Variants in MBD5 observed in about 807,000 individuals in gnomAD.
MBD5 encodes methyl-CpG-binding domain protein 5.
Under a neutral mutation model 117.3 loss-of-function variants are expected in MBD5, and 13 were observed. The ratio of observed to expected loss-of-function variants is 0.11; its 90% CI spans 0.07 to 0.18. The LOEUF (loss-of-function observed/expected upper bound fraction) is 0.18, where lower values mean the gene tolerates loss of function less well. Among genes scored for constraint, MBD5 ranks in the 10% least tolerant of loss-of-function variants. MBD5 has a pLI of 1.00. For missense variants in MBD5, 1,879 were observed against 2,093.8 expected, an observed-to-expected ratio of 0.90 and a Z score of 2.00; for synonymous variants, 727 against 766.4, an observed-to-expected ratio of 0.95 and a Z score of 0.85.
chr2:148,112,099 G>A (rs1696515670), intron 1 of MBD5, among the ~76,000 whole-genome samples: 1 of 152,088 alleles, frequency 6.6e-6, no homozygotes, highest in South Asian at 2.1e-4. Flanking sequence ...ATAAGGGAAG[G>A]CAAATGTGAC....
intron 1 of MBD5, among the ~76,000 whole-genome samples, chr2:148,139,249 C>A (rs898772098): frequency 6.6e-6 from 1 of 152,058 alleles, no homozygotes; most frequent in Admixed American, 6.6e-5. Flanking sequence ...TCTTACTGCC[C>A]AGGCTGGAGT....
intron 1 of MBD5, among the ~76,000 whole-genome samples, chr2:148,176,130 A>C (rs749744354): frequency 6.6e-6 from 1 of 152,130 alleles, no homozygotes; most frequent in Non-Finnish European, 1.5e-5. Context: ...AAAATCTGAG[A>C]TCTTTAGCAT....
chr2:148,426,140 T>G (rs1199684066), intron 4 of MBD5, among the ~76,000 whole-genome samples: 9 of 152,098 alleles, frequency 5.9e-5, no homozygotes, highest in African/African-American at 1.4e-4. Context: ...CACTGCTCAA[T>G]GAAATAGAAG....
chr2:148,202,899 C>T (rs926594225), intron 2 of MBD5, among the ~76,000 whole-genome samples: 4 of 151,818 alleles, frequency 2.6e-5, no homozygotes, highest in Non-Finnish European at 4.4e-5. Flanking sequence ...TCTTTAAAAG[C>T]TGTAAAATAG....
At position 148,272,852 on chromosome 2, in the gene MBD5, A is replaced by G. The variant is rs1029411306; in HGVS notation, c.-680+39457A>G. ...CTTTCTGTTTGCATTTGCCTGATATATCTTTATGTATCTGTGTATTTTCCT... is the reference window on the plus strand; with the variant it reads ...CTTTCTGTTTGCATTTGCCTGATATGTCTTTATGTATCTGTGTATTTTCCT... On this transcript the variant is annotated intron_variant, in intron 3 of 13. Transcript: ENST00000642680. Among the ~76,000 whole-genome samples, 10 of 152,156 alleles carry G rather than the reference A, an allele frequency of 6.6e-5. No homozygotes were observed. The South Asian group carries it at 1.0e-3, about 16-fold the overall frequency.
intron 1 of MBD5, among the ~76,000 whole-genome samples, chr2:148,110,891 G>A (rs1696490520): frequency 6.6e-6 from 1 of 151,454 alleles, no homozygotes; most frequent in South Asian, 2.1e-4. Context: ...CATTTCTCAT[G>A]AATCTTTCTT....
intron 1 of MBD5, among the ~76,000 whole-genome samples, chr2:148,049,634 G>T (rs1322309463): frequency 6.6e-6 from 1 of 152,068 alleles, no homozygotes; most frequent in Non-Finnish European, 1.5e-5. Flanking sequence ...TCACATTTTT[G>T]TGGAGCCATC....
intron 4 of MBD5, among the ~76,000 whole-genome samples, chr2:148,397,685 G>A (rs1303240521): frequency 2.0e-5 from 3 of 151,930 alleles, no homozygotes. Flanking sequence ...AACTTTCAGG[G>A]TACATGTGCA....
intron 4 of MBD5, among the ~76,000 whole-genome samples, chr2:148,413,161 T>G (rs1292340955): frequency 6.6e-6 from 1 of 152,152 alleles, no homozygotes; most frequent in Non-Finnish European, 1.5e-5. Context: ...CATTGAGGGT[T>G]TTTTAACATA....
At chr2:148,110,736 G>A (rs964297862) in intron 1 of MBD5, among the ~76,000 whole-genome samples, 4 of 151,504 alleles carry the variant, frequency 2.6e-5, no homozygotes, top group Non-Finnish European at 5.9e-5. Context: ...TTGGATGCTG[G>A]TCCTCTCAGG....
chr2:148,372,837 A>G (rs72859326), intron 4 of MBD5, among the ~76,000 whole-genome samples: 6,034 of 152,198 alleles, frequency 0.04, 162 homozygotes, highest in Admixed American at 0.058. Context: ...CTTAGTGGAA[A>G]GTAACTTCTA....
At chr2:148,134,195 T>A (rs1169211762) in intron 1 of MBD5, among the ~76,000 whole-genome samples, 1 of 148,522 alleles carries the variant, frequency 6.7e-6, no homozygotes, top group Non-Finnish European at 1.5e-5. Flanking sequence ...GATAGATAGA[T>A]GATTGATAGA....
chr2:148,056,061 C>G (rs780612016), intron 1 of MBD5: 8 of 152,118 alleles, frequency 5.3e-5, no homozygotes, highest in Admixed American at 2.6e-4. Context: ...ATATTTTACT[C>G]TACTTTAACG....
intron 1 of MBD5, among the ~76,000 whole-genome samples, chr2:148,112,497 T>G (rs187115687): frequency 6.6e-6 from 1 of 152,302 alleles, no homozygotes; most frequent in East Asian, 1.9e-4. Flanking sequence ...ACGAACGTCT[T>G]TATGAATTTT....
At chr2:148,105,616 T>G (rs2105322757) in intron 1 of MBD5, among the ~76,000 whole-genome samples, 1 of 152,288 alleles carries the variant, frequency 6.6e-6, no homozygotes, top group South Asian at 2.1e-4. Context: ...AGTTTGTCAG[T>G]TTTTTAAGAC....
intron 2 of MBD5, among the ~76,000 whole-genome samples, chr2:148,210,802 AT>A (rs918716043): frequency 6.6e-6 from 1 of 152,038 alleles, no homozygotes; most frequent in Non-Finnish European, 1.5e-5. Flanking sequence ...AAGTATGCTG[AT>A]TTTTTGTTAC....
intron 4 of MBD5, among the ~76,000 whole-genome samples, chr2:148,359,805 A>T (rs1228937734): frequency 6.6e-6 from 1 of 152,176 alleles, no homozygotes; most frequent in African/African-American, 2.4e-5. Context: ...CTCTTTATGT[A>T]TTGCTTTTCA....
chr2:148,491,722 T>G (rs1681532454), intron 11 of MBD5, among the ~76,000 whole-genome samples: 1 of 149,604 alleles, frequency 6.7e-6, no homozygotes, highest in African/African-American at 2.5e-5. Context: ...GAAAATGAAT[T>G]CCATACCCCT....
rs529112614 is a variant in MBD5, at chr2:148,090,747, G to A, written c.-925+69063G>A. Among the ~76,000 whole-genome samples, 4 of 152,158 alleles carry A rather than the reference G, an allele frequency of 2.6e-5. No homozygotes were observed. The East Asian group carries it at 7.7e-4, about 29-fold the overall frequency. Reference sequence around the variant, plus strand: ...CTCACAGCCAACATCATATGGAATGGGGAAAAGTTGAAAGCATTCTTCCTG... The same window carrying A: ...CTCACAGCCAACATCATATGGAATGAGGAAAAGTTGAAAGCATTCTTCCTG... On this transcript the variant is annotated intron_variant, in intron 1 of 13. Transcript: ENST00000642680.
Sources: gnomAD v4.1 joint callset for allele counts (sites outside exome capture counted in the v4.1 genomes callset) on GRCh38, gnomAD v4.1.1 for gene constraint, MANE v1.5 for transcripts, NCBI Gene and HGNC (gene_info 2026-07-23, HGNC 2026-07-21) for gene names.